CCDC88A: variants seen among roughly 807,000 people sequenced by gnomAD.
The protein encoded by CCDC88A is girdin.
In CCDC88A, 54 loss-of-function variants were observed where a neutral mutation model predicts 234.3. The ratio of observed to expected loss-of-function variants is 0.23; its 90% confidence interval spans 0.19 to 0.29. The LOEUF (loss-of-function observed/expected upper bound fraction) is 0.29, where lower values mean the gene tolerates loss of function less well. Among genes scored for constraint, CCDC88A ranks in the 10% least tolerant of loss-of-function variants. CCDC88A has a pLI of 1.00. For synonymous variants in CCDC88A, 753 were observed against 737.8 expected, an observed-to-expected ratio of 1.02 and a Z score of -0.33; for missense variants, 1,832 against 2,123.4, an observed-to-expected ratio of 0.86 and a Z score of 2.70.
rs1295919417 is a variant in CCDC88A, at chr2:55,363,986, A to C, written c.450T>G (p.Phe150Leu). Residue 150 changes from phenylalanine to leucine, a missense_variant, in exon 6 of 33, where the codon TTT becomes TTG. By Grantham distance (22) the Phe-to-Leu change is conservative. This residue lies in a region of CCDC88A where 1,282 missense variants were observed against 1,543.6 expected (regional missense o/e 0.83). Coordinates refer to ENST00000436346, the MANE Select transcript of CCDC88A (RefSeq NM_001365480.1). ...EFIERIQGLD[F>L]DTKAAVAAHI... Reference sequence around the variant, plus strand: ...GTGCGGCAACCGCTGCTTTTGTATCAAAATCTAAACCTTGAATTCTTTCAA... The same window carrying C: ...GTGCGGCAACCGCTGCTTTTGTATCCAAATCTAAACCTTGAATTCTTTCAA... The C allele has an allele frequency of 5.6e-6, 9 of 1,599,094 alleles. No individual in the cohort carries two copies. Among genetic ancestry groups the C allele is most frequent in the Non-Finnish European group, 7.7e-6 (9 of 1,170,424 alleles).
intron 17 of CCDC88A, among the ~76,000 whole-genome samples, chr2:55,325,153 G>A (rs183300637): frequency 6.6e-6 from 1 of 152,132 alleles, no homozygotes; most frequent in African/African-American, 2.4e-5. Context: ...GATCAATCTG[G>A]GGAAATCTGC....
rs964357934 is a variant in CCDC88A at position 55,287,967 on chromosome 2, A to G, written c.*3233T>C. The G allele has an allele frequency of 5.2e-5, 8 of 152,658 alleles. No homozygotes were observed. The highest frequency in any genetic ancestry group is 1.9e-4 in the African/African-American group (8 of 41,472). The allele number at this position is 152,658 out of a possible 1,614,324, so 9.5% of individuals were successfully genotyped here. ...TGTTTTTTAAAAAACAAACAGTGGT[A>G]TCTCTTGTCATGAGTTGGATGCCTG... On this transcript the variant is annotated 3_prime_UTR_variant, in exon 33 of 33. Transcript: ENST00000436346.
At chr2:55,395,220 C>G (rs555753300) in intron 2 of CCDC88A, among the ~76,000 whole-genome samples, 6 of 152,180 alleles carry the variant, frequency 3.9e-5, no homozygotes, top group Non-Finnish European at 8.8e-5. Context: ...TCAAGTGATC[C>G]TCCTGCCTCA....
chr2:55,341,433 C>T (rs548523750), intron 12 of CCDC88A, among the ~76,000 whole-genome samples: 12 of 119,584 alleles, frequency 1.0e-4, no homozygotes, highest in East Asian at 2.6e-4. Context: ...CCACCATGCC[C>T]GGCACTCCCC....
At chr2:55,354,186 G>C (rs1292736228) in intron 8 of CCDC88A, among the ~76,000 whole-genome samples, 1 of 151,016 alleles carries the variant, frequency 6.6e-6, no homozygotes, top group Non-Finnish European at 1.5e-5. Context: ...TGTCAGCCAG[G>C]CTGGAGTGCA....
chr2:55,412,294 C>T (rs994423140), intron 2 of CCDC88A, among the ~76,000 whole-genome samples: 4 of 152,014 alleles, frequency 2.6e-5, no homozygotes, highest in African/African-American at 4.8e-5. Context: ...ACAACTCTGC[C>T]TGGGGACTTC....
In CCDC88A at chr2:55,388,832, T is replaced by A; in HGVS notation, c.219A>T (p.Ser73=). The change falls in exon 3 of 33, where the codon TCA becomes TCT. Residue 73 remains serine, a synonymous_variant. Transcript: ENST00000436346. The part of the protein sequence containing the change: ...RVNKKVNNDA[S]LRMHNLSILV... ...AAATGGATAGATTGTGCATTCTAAGTGAGGCATCATTATTGACTTTTTTAT... is the reference window on the plus strand; with the variant it reads ...AAATGGATAGATTGTGCATTCTAAGAGAGGCATCATTATTGACTTTTTTAT... 1 of 1,545,874 alleles carries A rather than the reference T, an allele frequency of 6.5e-7. No homozygotes were observed. The highest frequency in any genetic ancestry group is 8.8e-7 in the Non-Finnish European group (1 of 1,132,608).
chr2:55,344,367 C>A lies in CCDC88A; in HGVS notation c.1188+1G>T. ...TAACTGATCTACCTCTTAAAACTTA[C>A]CATTTCCATATCATGAAGTTTAGCT... On this transcript the variant is annotated splice_donor_variant, in intron 11 of 32. Transcript: ENST00000436346. LOFTEE classifies it high-confidence loss of function. The A allele has an allele frequency of 6.4e-7, 1 of 1,565,682 alleles. No individual in the cohort carries two copies. The highest frequency in any genetic ancestry group is 1.9e-5 in the Admixed American group (1 of 53,070).
In CCDC88A at chr2:55,332,598, T is replaced by C. The variant is rs1685053532; in HGVS notation, c.2823A>G (p.Arg941=). 1.2e-6 allele frequency: 2 copies of C among 1,613,422 alleles called. No homozygotes were observed. Among genetic ancestry groups the C allele is most frequent in the African/African-American group, 2.7e-5 (2 of 74,814 alleles). ...ELEKIGLNKE[R]LLHDEQSTDD... ...CAGTACTTTGTTCATCATGTAAGAG[T>C]CGCTCCTTATTTAACCCTATCTTCT... The change falls in exon 16 of 33, where the codon CGA becomes CGG. Residue 941 remains arginine, a synonymous_variant. Coordinates refer to ENST00000436346, the MANE Select transcript of CCDC88A (RefSeq NM_001365480.1). This position sits in a 1 kb window ranked among gnomAD's most constrained non-coding sequence, Gnocchi z 4.5.
chr2:55,291,644 A>G (rs1679461450), intron 32 of CCDC88A, 32 bp downstream of exon 32: 1 of 969,234 alleles, frequency 1.0e-6, no homozygotes, highest in South Asian at 1.4e-5. Flanking sequence ...AAATGAGACT[A>G]ATCTCATTTA....
intron 3 of CCDC88A, among the ~76,000 whole-genome samples, chr2:55,386,063 A>G (rs1029279270): frequency 6.6e-6 from 1 of 151,088 alleles, no homozygotes; most frequent in Non-Finnish European, 1.5e-5. Context: ...TCTCTACTAA[A>G]AATACAAAAA....
chr2:55,304,224 G>A (rs1366222538), intron 25 of CCDC88A, among the ~76,000 whole-genome samples: 2 of 152,146 alleles, frequency 1.3e-5, no homozygotes, highest in Non-Finnish European at 2.9e-5. Flanking sequence ...CTTGAGCCCA[G>A]GAGTTCAAGG....
rs557483623 is a variant in CCDC88A at position 55,289,638 on chromosome 2, G to GT, written c.*1561dup. The GT allele has an allele frequency of 6.6e-6, 1 of 152,238 alleles. No homozygotes were observed. Among genetic ancestry groups the GT allele is most frequent in the South Asian group, 2.1e-4 (1 of 4,820 alleles). 9.4% of individuals were successfully genotyped at this position (152,238 alleles called of 1,614,324 possible). ...TAAGTTACCGGTGGCATTGAAGTAC[G>GT]TAAGTAAGCTCAAGTTCTCTAAGTT... On this transcript the variant is annotated 3_prime_UTR_variant, in exon 33 of 33. Transcript: ENST00000436346.
intron 18 of CCDC88A, among the ~76,000 whole-genome samples, chr2:55,319,410 T>A (rs1381052315): frequency 6.6e-6 from 1 of 152,182 alleles, no homozygotes; most frequent in Non-Finnish European, 1.5e-5. Flanking sequence ...TTTTCTAATT[T>A]ACCCAAAGGC....
chr2:55,322,137 A>C (rs979962497), intron 18 of CCDC88A, among the ~76,000 whole-genome samples: 8 of 152,210 alleles, frequency 5.3e-5, no homozygotes, highest in Non-Finnish European at 1.2e-4. Flanking sequence ...GGTAATAAAA[A>C]GAAAGACGAA....
chr2:55,327,417 A>G (rs1282040280), intron 17 of CCDC88A, among the ~76,000 whole-genome samples: 1 of 152,214 alleles, frequency 6.6e-6, no homozygotes, highest in Non-Finnish European at 1.5e-5. Context: ...AATGACTGCT[A>G]TGAGTATACG....
Position 55,335,177 on chromosome 2 carries a change from G to A in CCDC88A, c.1657-13C>T. On this transcript the variant is annotated splice_polypyrimidine_tract_variant and intron_variant, in intron 14 of 32. Transcript: ENST00000436346. This position sits in a 1 kb window ranked among gnomAD's most constrained non-coding sequence, Gnocchi z 4.5. ...CCAGTATCTTAATCTAATTTGAAAAGAAAATAATTAAAAGCTGTAATTGAG... is the reference window on the plus strand; with the variant it reads ...CCAGTATCTTAATCTAATTTGAAAAAAAAATAATTAAAAGCTGTAATTGAG... 9 of 1,420,620 alleles carry A rather than the reference G, an allele frequency of 6.3e-6. No homozygotes were observed. The highest frequency in any genetic ancestry group is 1.8e-5 in the South Asian group (1 of 56,130). 88.0% of individuals were successfully genotyped at this position (1,420,620 alleles called of 1,614,324 possible). A position where few individuals can be genotyped will look rare whatever the true frequency, so the allele number is the denominator to read the frequency against.
At chr2:55,294,532 A>G (rs1679794230) in intron 31 of CCDC88A, 1 of 977,864 alleles carries the variant, frequency 1.0e-6, no homozygotes, top group Admixed American at 6.2e-5. Context: ...GCCTAATTAA[A>G]TGACAAAAGA....
At chr2:55,362,513 A>G (rs1671453242) in intron 6 of CCDC88A, 65 bp from the exon 7 acceptor site, 1 of 1,360,664 alleles carries the variant, frequency 7.3e-7, no homozygotes, top group Admixed American at 2.5e-5. Context: ...CTATTTCACT[A>G]TAGTACAATA....
Sources: gnomAD v4.1 joint callset for allele counts (sites outside exome capture counted in the v4.1 genomes callset) on GRCh38, gnomAD v4.1.1 for gene constraint, gnomAD v4.1.1 regional missense constraint, Gnocchi (gnomAD v3.1) non-coding constraint, MANE v1.5 for transcripts, NCBI Gene and HGNC (gene_info 2026-07-23, HGNC 2026-07-21) for gene names.